Variants in CASZ1 observed in about 807,000 individuals in gnomAD.
CASZ1 encodes castor zinc finger 1.
In CASZ1, 28 loss-of-function variants were observed where a neutral mutation model predicts 135.2. The observed-to-expected ratio is 0.21, with a 90% confidence interval of 0.15 to 0.28. The LOEUF (loss-of-function observed/expected upper bound fraction) is 0.28. Among genes scored for constraint, CASZ1 ranks in the 10% least tolerant of loss-of-function variants. CASZ1 has a pLI of 1.00. For missense variants in CASZ1, 2,161 were observed against 2,453.3 expected (o/e 0.88, Z 2.52); for synonymous variants, 1,068 against 1,073.4 (o/e 0.99, Z 0.10).
Position 10,648,151 on chromosome 1 carries a change from A to G in CASZ1, c.3159-12T>C. On this transcript the variant is annotated splice_polypyrimidine_tract_variant and intron_variant, in intron 15 of 20. Transcript: ENST00000377022. The stretch of plus-strand genomic sequence containing the variant: ...TCCGGAAGTGGAAGCTGCGAGAGGT[A>G]GAAGAGGGGGTCTCATGGGGGGCAG... 6.7e-7 allele frequency: 1 copy of G among 1,489,768 alleles called. No homozygotes were observed. Among genetic ancestry groups the G allele is most frequent in the Non-Finnish European group, 9.0e-7 (1 of 1,117,160 alleles). The allele number at this position is 1,489,768 out of a possible 1,614,324, so 92.3% of individuals were successfully genotyped here.
intron 1 of CASZ1, among the ~76,000 whole-genome samples, chr1:10,789,939 G>A (rs573360178): frequency 6.6e-6 from 1 of 152,100 alleles, no homozygotes; most frequent in Non-Finnish European, 1.5e-5. Flanking sequence ...CCAAGCTGTG[G>A]CCTCAGAGCC....
chr1:10,694,380 TC>T lies in CASZ1; in HGVS notation c.-23-469del. 1 of 1,040,278 alleles carries T rather than the reference TC, an allele frequency of 9.6e-7. No individual in the cohort carries two copies. The highest frequency in any genetic ancestry group is 1.2e-6 in the Non-Finnish European group (1 of 820,822). 64.4% of individuals were successfully genotyped at this position (1,040,278 alleles called of 1,614,324 possible). A position where few individuals can be genotyped will look rare whatever the true frequency, so the allele number is the denominator to read the frequency against. On this transcript the variant is annotated intron_variant, in intron 3 of 20. Transcript: ENST00000377022. This position sits in a 1 kb window ranked among gnomAD's most constrained non-coding sequence, Gnocchi z 6.6. ...TTAATGCCTAATTGCAACTGATTAC[TC>T]CCCGAATAACAAGTTGTTTTAAAGC...
chr1:10,782,913 G>A (rs1640788012), intron 1 of CASZ1, among the ~76,000 whole-genome samples: 1 of 152,180 alleles, frequency 6.6e-6, no homozygotes, highest in African/African-American at 2.4e-5. Flanking sequence ...GAGGGATGAG[G>A]GAGTGTGTGT....
At position 10,711,673 on chromosome 1, in the gene CASZ1, A is replaced by G. The variant is rs1173606906; in HGVS notation, c.-76-6129T>C. Among the ~76,000 whole-genome samples the G allele has an allele frequency of 6.6e-6, 1 of 152,222 alleles. No individual in the cohort carries two copies. Among genetic ancestry groups the G allele is most frequent in the Non-Finnish European group, 1.5e-5 (1 of 68,046 alleles). The stretch of plus-strand genomic sequence containing the variant: ...TCACAGTAGTCAGATGGTAGATACA[A>G]TTCAAGTGTCCATGGACTGAGAAAT... On this transcript the variant is annotated intron_variant, in intron 2 of 20. Coordinates refer to ENST00000377022, the MANE Select transcript of CASZ1 (RefSeq NM_001079843.3). The surrounding 1 kb of genome is among the most constrained non-coding windows in gnomAD (Gnocchi z 4.4).
intron 9 of CASZ1, 125 bp downstream of exon 9, chr1:10,655,524 G>A (rs2242286): frequency 1.1e-6 from 1 of 913,804 alleles, no homozygotes; most frequent in Non-Finnish European, 1.6e-6. Context: ...AGGGGAAAGA[G>A]AGGCTCCTGA....
intron 1 of CASZ1, among the ~76,000 whole-genome samples, chr1:10,779,203 C>T (rs1187358467): frequency 6.6e-6 from 1 of 152,036 alleles, no homozygotes; most frequent in Admixed American, 6.5e-5. Flanking sequence ...TCCCTGCCTC[C>T]CCACCTTGAA....
chr1:10,647,305 T>A lies in CASZ1; in HGVS notation c.3497+496A>T. ...TTCTCCCTGCAAGGAGCCACCACCATCCAGTGAGGAGGGTCCCTTCCACCC... is the reference window on the plus strand; with the variant it reads ...TTCTCCCTGCAAGGAGCCACCACCAACCAGTGAGGAGGGTCCCTTCCACCC... On this transcript the variant is annotated intron_variant, in intron 16 of 20. Coordinates refer to ENST00000377022, the MANE Select transcript of CASZ1 (RefSeq NM_001079843.3). The surrounding 1 kb of genome is among the most constrained non-coding windows in gnomAD (Gnocchi z 4.9). The A allele has an allele frequency of 2.0e-6, 2 of 1,001,954 alleles. No individual in the cohort carries two copies. The highest frequency in any genetic ancestry group is 1.1e-4 in the East Asian group (1 of 9,222). The allele number at this position is 1,001,954 out of a possible 1,614,324, so 62.1% of individuals were successfully genotyped here. A position where few individuals can be genotyped will look rare whatever the true frequency, so the allele number is the denominator to read the frequency against.
chr1:10,779,250 GA>G (rs1412682295), intron 1 of CASZ1, among the ~76,000 whole-genome samples: 1 of 149,748 alleles, frequency 6.7e-6, no homozygotes, highest in Non-Finnish European at 1.5e-5. Context: ...GGCTGGTGAG[GA>G]AAGTACAAAC....
At chr1:10,651,719 C>T in intron 11 of CASZ1, 1 of 152,454 alleles carries the variant, frequency 6.6e-6, no homozygotes, top group Non-Finnish European at 1.5e-5. Context: ...GCTGACAGGG[C>T]CATCCAGCGA....
intron 3 of CASZ1, among the ~76,000 whole-genome samples, chr1:10,704,772 G>A (rs1181591108): frequency 1.3e-5 from 2 of 152,236 alleles, no homozygotes; most frequent in East Asian, 3.9e-4. Flanking sequence ...TAACACTGGC[G>A]TTCCACCGGT....
At chr1:10,644,823 A>G (rs890507466) in intron 18 of CASZ1, 94 bp downstream of exon 18, 7 of 1,312,350 alleles carry the variant, frequency 5.3e-6, no homozygotes, top group Non-Finnish European at 7.4e-6. Context: ...GGTGGGGAAC[A>G]GGACGCGGGT....
At position 10,776,681 on chromosome 1, in the gene CASZ1, G is replaced by A. The variant is rs1422344390; in HGVS notation, c.-233-15824C>T. ...GGAAACTGGCATCTCTGGTTTGACAGGTTGTGGGAGAGGGTTGGCTGCATG... is the reference window on the plus strand; with the variant it reads ...GGAAACTGGCATCTCTGGTTTGACAAGTTGTGGGAGAGGGTTGGCTGCATG... On this transcript the variant is annotated intron_variant, in intron 1 of 20. Transcript: ENST00000377022. The surrounding 1 kb of genome is among the most constrained non-coding windows in gnomAD (Gnocchi z 4.1). 1.3e-4 allele frequency among the ~76,000 whole-genome samples: 20 copies of A among 152,208 alleles called. No homozygotes were observed.
rs1397930989 is a variant in CASZ1 at position 10,739,606 on chromosome 1, C to A, written c.-77+21095G>T. Reference sequence around the variant, plus strand: ...CCACTCCCCAAAGAGCCTTCAGGGGCCTTCTTGTCGTTGATCAAAACAACA... The same window carrying A: ...CCACTCCCCAAAGAGCCTTCAGGGGACTTCTTGTCGTTGATCAAAACAACA... On this transcript the variant is annotated intron_variant, in intron 2 of 20. Transcript: ENST00000377022. The surrounding 1 kb of genome is among the most constrained non-coding windows in gnomAD (Gnocchi z 4.8). Among the ~76,000 whole-genome samples the A allele has an allele frequency of 6.6e-6, 1 of 152,188 alleles. No individual in the cohort carries two copies. The highest frequency in any genetic ancestry group is 2.4e-5 in the African/African-American group (1 of 41,458).
intron 1 of CASZ1, among the ~76,000 whole-genome samples, chr1:10,772,400 A>G (rs1372313812): frequency 6.6e-6 from 1 of 152,204 alleles, no homozygotes; most frequent in African/African-American, 2.4e-5. Context: ...CAGGAGAGGA[A>G]GCAGATTGGC....
rs181878008 is a variant in CASZ1, at chr1:10,773,876, G to A, written c.-233-13019C>T. ...GGCTGATATGCGCTGAGAAGAGGCC[G>A]CAGGGTGGGAGCAGCCCTGTCGCTG... On this transcript the variant is annotated intron_variant, in intron 1 of 20. Transcript: ENST00000377022. 4.5e-3 allele frequency among the ~76,000 whole-genome samples: 678 copies of A among 152,330 alleles called. 4 individuals are homozygous for A. Among genetic ancestry groups the A allele is most frequent in the South Asian group, 6.0e-3 (29 of 4,828 alleles).
intron 3 of CASZ1, among the ~76,000 whole-genome samples, chr1:10,695,957 C>G (rs1334729923): frequency 2.0e-5 from 3 of 152,162 alleles, no homozygotes; most frequent in Non-Finnish European, 2.9e-5. Flanking sequence ...CAGCGCTCCT[C>G]TTTCAGGAGG....
At chr1:10,674,814 G>A (rs905931144) in intron 4 of CASZ1, among the ~76,000 whole-genome samples, 4 of 152,128 alleles carry the variant, frequency 2.6e-5, no homozygotes, top group East Asian at 1.9e-4. Flanking sequence ...TCCCATCCCC[G>A]CTAAAGCCAA....
At chr1:10,729,892 T>G (rs1639673196) in intron 2 of CASZ1, among the ~76,000 whole-genome samples, 1 of 152,174 alleles carries the variant, frequency 6.6e-6, no homozygotes, top group South Asian at 2.1e-4. Flanking sequence ...CTCAGCTCAC[T>G]GCAACTTCCG....
rs1641021161 is a variant in CASZ1, at chr1:10,794,293, G to A, written c.-234+2271C>T. Among the ~76,000 whole-genome samples the A allele has an allele frequency of 2.6e-5, 4 of 152,098 alleles. 1 individual carries two copies. The South Asian group carries it at 8.3e-4, about 32-fold the overall frequency. ...CCTCGTGCGCTCTCACCGCGCGCCT[G>A]TACCAGCTCGGAGACGTCCTAAATT... On this transcript the variant is annotated intron_variant, in intron 1 of 20. Transcript: ENST00000377022. The surrounding 1 kb of genome is among the most constrained non-coding windows in gnomAD (Gnocchi z 5.6).
Sources: allele counts gnomAD v4.1 joint callset (sites outside exome capture counted in the v4.1 genomes callset), GRCh38; gene constraint gnomAD v4.1.1; non-coding constraint Gnocchi (gnomAD v3.1); transcripts MANE v1.5; gene names NCBI Gene and HGNC (gene_info 2026-07-23, HGNC 2026-07-21).